The following CPAP variants were observed in gnomAD, a reference collection of about 807,000 sequenced individuals.
The protein encoded by CPAP is centrosomal P4.1-associated protein.
chr13:24,903,971 A>T, the CPAP span: 1 of 1,614,116 alleles, frequency 6.2e-7, no homozygotes, highest in South Asian at 1.1e-5. Flanking sequence ...AAGTTTAGCT[A>T]AAGATGCGTT....
the CPAP span, among the ~76,000 whole-genome samples, chr13:24,890,440 C>A: frequency 6.6e-6 from 1 of 152,166 alleles, no homozygotes; most frequent in Non-Finnish European, 1.5e-5. Flanking sequence ...GGGTCCTCGA[C>A]CCCCAGTGCT....
At chr13:24,909,009 T>C in the CPAP span, among the ~76,000 whole-genome samples, 16 of 152,300 alleles carry the variant, frequency 1.1e-4, no homozygotes, top group South Asian at 3.3e-3. Context: ...AGGATATACA[T>C]GTAAAAGATA....
At chr13:24,882,843 C>T in the CPAP span, 1 of 333,732 alleles carries the variant, frequency 3.0e-6, no homozygotes, top group Non-Finnish European at 5.7e-6. Flanking sequence ...GTCTGTGGGA[C>T]ATCTAGGTGA....
chr13:24,886,026 A>G, the CPAP span: 2 of 376,132 alleles, frequency 5.3e-6, no homozygotes, highest in South Asian at 4.4e-5. Flanking sequence ...CTGGGTATTT[A>G]GTTAAAACAT....
the CPAP span, chr13:24,903,776 A>G: frequency 1.2e-6 from 1 of 868,182 alleles, no homozygotes; most frequent in Non-Finnish European, 1.9e-6. Context: ...CATTTTATTC[A>G]GTAAAAAAAA....
chr13:24,907,975 T>C, the CPAP span: 10 of 1,292,082 alleles, frequency 7.7e-6, no homozygotes, highest in African/African-American at 1.5e-5. Flanking sequence ...GGCTAGCTAT[T>C]GTACTAAATA....
the CPAP span, among the ~76,000 whole-genome samples, chr13:24,930,167 G>A: frequency 1.3e-5 from 2 of 151,924 alleles, no homozygotes; most frequent in Non-Finnish European, 2.9e-5. Context: ...GGCCTCCCAA[G>A]ATGGTAGGTT....
the CPAP span, among the ~76,000 whole-genome samples, chr13:24,901,334 T>C: frequency 6.6e-6 from 1 of 152,272 alleles, no homozygotes; most frequent in South Asian, 2.1e-4. Flanking sequence ...TGCTCAACTT[T>C]ATCAATAATT....
chr13:24,917,563 T>C, the CPAP span, among the ~76,000 whole-genome samples: 20,664 of 152,198 alleles, frequency 0.14, 1,600 homozygotes, highest in East Asian at 0.32. Context: ...ATCTCATCAG[T>C]GTCAATGGAC....
chr13:24,882,797 A>C, the CPAP span: 4 of 213,796 alleles, frequency 1.9e-5, no homozygotes, highest in Non-Finnish European at 3.8e-5. Context: ...CCTTGAGTAC[A>C]CCTTCTGTAC....
At chr13:24,889,443 T>TAA in the CPAP span, 1 of 1,294,060 alleles carries the variant, frequency 7.7e-7, no homozygotes, top group Middle Eastern at 2.0e-4. Flanking sequence ...TGAGTGTTAG[T>TAA]CTATTAATAC....
the CPAP span, chr13:24,906,118 CA>C: frequency 6.2e-7 from 1 of 1,612,776 alleles, no homozygotes; most frequent in Non-Finnish European, 8.5e-7. Flanking sequence ...CAGTGTGGTC[CA>C]AATCCTCACT....
At chr13:24,906,433 C>A in the CPAP span, 7 of 1,613,568 alleles carry the variant, frequency 4.3e-6, no homozygotes, top group East Asian at 4.5e-5. Context: ...TAGCAGCCAG[C>A]CGGCTGGCCG....
At chr13:24,885,408 A>G in the CPAP span, 1 of 1,539,580 alleles carries the variant, frequency 6.5e-7, no homozygotes. Flanking sequence ...ACACATTTCA[A>G]GCAGCTAAAA....
At chr13:24,888,136 G>A in the CPAP span, among the ~76,000 whole-genome samples, 1 of 152,072 alleles carries the variant, frequency 6.6e-6, no homozygotes, top group Non-Finnish European at 1.5e-5. Flanking sequence ...AGATGTGAAT[G>A]CAAAAGCGCA....
At chr13:24,932,930 G>A in the CPAP span, 1 of 965,950 alleles carries the variant, frequency 1.0e-6, no homozygotes, top group Non-Finnish European at 1.6e-6. Context: ...TTTCCAGTTT[G>A]TATGTATAAC....
the CPAP span, among the ~76,000 whole-genome samples, chr13:24,915,715 C>T: frequency 6.6e-6 from 1 of 152,102 alleles, no homozygotes; most frequent in African/African-American, 2.4e-5. Flanking sequence ...AGGAGAATTG[C>T]TTGAACCCAG....
the CPAP span, among the ~76,000 whole-genome samples, chr13:24,902,497 TTAAGC>T: frequency 2.0e-5 from 3 of 152,242 alleles, no homozygotes; most frequent in Non-Finnish European, 4.4e-5. Context: ...AATTTGATTT[TTAAGC>T]ATACTGCAGA....
At chr13:24,911,968 C>T in the CPAP span, 10 of 1,614,188 alleles carry the variant, frequency 6.2e-6, no homozygotes, top group Non-Finnish European at 8.5e-6. Context: ...ACTGCCCAGA[C>T]ACCATGGTGA....
Sources: allele counts gnomAD v4.1 joint callset (sites outside exome capture counted in the v4.1 genomes callset), GRCh38; gene constraint gnomAD v4.1.1; transcripts MANE v1.5; gene names NCBI Gene and HGNC (gene_info 2026-07-23, HGNC 2026-07-21).